The following ATP11C variants were observed in gnomAD, a reference collection of about 807,000 sequenced individuals.
ATP11C encodes phospholipid-transporting ATPase IG.
In ATP11C, 36 loss-of-function variants were observed where a neutral mutation model predicts 97.4. The observed-to-expected ratio is 0.37, with a 90% CI of 0.28 to 0.49. ATP11C has a LOEUF of 0.49. ATP11C is among the 20% of genes least tolerant of loss of function. The probability of loss-of-function intolerance (pLI) is 0.98; values close to 1 mark genes in which losing one functional copy is unlikely to be tolerated. For missense variants in ATP11C, 730 were observed against 824.6 expected (o/e 0.89, Z 1.40); for synonymous variants, 275 against 290.9 (o/e 0.95, Z 0.56).
intron 28 of ATP11C, chrX:139,737,689 T>C: frequency 4.5e-6 from 2 of 446,585 alleles, no homozygotes; most frequent in Non-Finnish European, 8.2e-6. Flanking sequence ...TCCATATGGA[T>C]TGCCGAAGGT....
rs1226106466 is a variant in ATP11C at position 139,758,617 on chromosome X, AG to A, written c.2641-751del. Among the ~76,000 whole-genome samples the A allele has an allele frequency of 7.1e-5, 8 of 112,256 alleles. 1 individual carries two copies. In the South Asian group the frequency reaches 1.5e-3, roughly 21 times the overall value. On this transcript the variant is annotated intron_variant, in intron 22 of 29. Coordinates refer to ENST00000682941, the MANE Select transcript of ATP11C (RefSeq NM_001353812.2). ...AGCTGGGAATTCATAAGGTAGTAAA[AG>A]CTACTAAGTGTGATTATAAAATACT... is the stretch of plus-strand genomic sequence containing the variant.
intron 18 of ATP11C, among the ~76,000 whole-genome samples, chrX:139,780,763 G>A (rs755171753): frequency 8.9e-6 from 1 of 111,986 alleles, no homozygotes; most frequent in Admixed American, 9.5e-5. Flanking sequence ...GTAAAATCGT[G>A]TCCTTTGCAG....
rs192663950 is a variant in ATP11C, at chrX:139,799,872, A to T, written c.710+188T>A. ...TCACCCCGTTGGCCAGGCTGGCTTC[A>T]AACTCCTGACCTCAGGTGATCCACC... On this transcript the variant is annotated intron_variant, in intron 8 of 29. Coordinates refer to ENST00000682941, the MANE Select transcript of ATP11C (RefSeq NM_001353812.2). Among the ~76,000 whole-genome samples, 24 of 109,397 alleles carry T rather than the reference A, an allele frequency of 2.2e-4. No individual in the cohort carries two copies. The East Asian group carries it at 6.4e-3, about 29-fold the overall frequency. 95.0% of individuals were successfully genotyped at this position (109,397 alleles called of 115,157 possible).
chrX:139,906,548 C>A (rs1439727264), intron 1 of ATP11C, among the ~76,000 whole-genome samples: 1 of 110,552 alleles, frequency 9.0e-6, no homozygotes, highest in Non-Finnish European at 1.9e-5. Flanking sequence ...CTTTGGGAAG[C>A]CAAGGCGGGT....
intron 1 of ATP11C, among the ~76,000 whole-genome samples, chrX:139,882,072 G>A (rs1037001933): frequency 2.7e-5 from 3 of 111,452 alleles, no homozygotes; most frequent in Non-Finnish European, 3.8e-5. Flanking sequence ...CTTCTCCCCA[G>A]ATCTGCCTGT....
In ATP11C at chrX:139,798,279, A is replaced by G. The variant is rs2082844010; in HGVS notation, c.851T>C (p.Val284Ala). 1 of 1,203,589 alleles carries G rather than the reference A, an allele frequency of 8.3e-7. No individual in the cohort carries two copies. Among genetic ancestry groups the G allele is most frequent in the African/African-American group, 1.8e-5 (1 of 57,058 alleles). ...AATTGTGGCGCATACTAACTTTTCAACAGCAGAACGTTTCTGAGATTTCCC... is the reference window on the plus strand; with the variant it reads ...AATTGTGGCGCATACTAACTTTTCAGCAGCAGAACGTTTCTGAGATTTCCC... Reference protein sequence around the residue: ...YQGKSQKRSAVEKSINAFLIV... With the variant: ...YQGKSQKRSAAEKSINAFLIV... The change falls in exon 10 of 30, where the codon GTT becomes GCT. Residue 284 changes from valine (V) to alanine (A), a missense_variant. Physicochemically the swap from Val to Ala is moderately conservative, Grantham distance 64. Coordinates refer to ENST00000682941, the MANE Select transcript of ATP11C (RefSeq NM_001353812.2).
intron 25 of ATP11C, among the ~76,000 whole-genome samples, chrX:139,744,148 A>T (rs1380592937): frequency 8.9e-6 from 1 of 111,819 alleles, no homozygotes; most frequent in Non-Finnish European, 1.9e-5. Context: ...TATAAATCCA[A>T]ATGATGGCAA....
chrX:139,819,138 A>G, intron 3 of ATP11C, among the ~76,000 whole-genome samples, 200 bp downstream of exon 3: 1 of 112,451 alleles, frequency 8.9e-6, no homozygotes, highest in Non-Finnish European at 1.9e-5. Flanking sequence ...AAATCTCAAC[A>G]GGTTTTCTAG....
intron 1 of ATP11C, among the ~76,000 whole-genome samples, chrX:139,916,753 T>C (rs929862458): frequency 9.0e-6 from 1 of 111,015 alleles, no homozygotes; most frequent in Non-Finnish European, 1.9e-5. Context: ...AAAAAAAATA[T>C]ATATCCACCA....
At chrX:139,842,234 G>A (rs1182967141) in intron 1 of ATP11C, among the ~76,000 whole-genome samples, 1 of 111,954 alleles carries the variant, frequency 8.9e-6, no homozygotes, top group Non-Finnish European at 1.9e-5. Flanking sequence ...GGGTTTCACC[G>A]TGTTAGCCAG....
chrX:139,844,590 T>G (rs1350368448), intron 1 of ATP11C, among the ~76,000 whole-genome samples: 2 of 112,059 alleles, frequency 1.8e-5, no homozygotes, highest in Non-Finnish European at 3.8e-5. Flanking sequence ...GATTTAGAAT[T>G]GCAAATGGTT....
At position 139,763,425 on chromosome X, in the gene ATP11C, A is replaced by T. The variant is rs764940369; in HGVS notation, c.2392-7T>A. 3.4e-5 allele frequency: 40 copies of T among 1,176,431 alleles called. No individual in the cohort carries two copies. In the Admixed American group the frequency reaches 8.5e-4, roughly 25 times the overall value. The stretch of plus-strand genomic sequence containing the variant: ...TCTTCACCATTCTGACAATCTAAAT[A>T]TTAAATACAAAAGAGGTGTAAAAAA... On this transcript the variant is annotated splice_region_variant and splice_polypyrimidine_tract_variant and intron_variant, in intron 20 of 29. Transcript: ENST00000682941.
intron 1 of ATP11C, among the ~76,000 whole-genome samples, chrX:139,927,647 A>C (rs893309270): frequency 4.6e-5 from 5 of 109,535 alleles, no homozygotes; most frequent in African/African-American, 1.3e-4. Flanking sequence ...AAAGAAGGGG[A>C]TATTTTGTGG....
intron 2 of ATP11C, among the ~76,000 whole-genome samples, chrX:139,821,162 G>A (rs897630021): frequency 3.6e-5 from 4 of 112,037 alleles, no homozygotes; most frequent in African/African-American, 1.3e-4. Context: ...ACATTCAGTA[G>A]AACAGCTGCA....
upstream of ATP11C, among the ~76,000 whole-genome samples, chrX:139,936,790 C>T (rs1224479403): frequency 9.0e-6 from 1 of 111,135 alleles, no homozygotes; most frequent in African/African-American, 3.3e-5. Context: ...GGATGTAGGC[C>T]ACACCTGTGA....
In ATP11C at chrX:139,926,998, A is replaced by G. The variant is rs188563508; in HGVS notation, c.27+5018T>C. Among the ~76,000 whole-genome samples, 55 of 112,432 alleles carry G rather than the reference A, an allele frequency of 4.9e-4. No homozygotes were observed. The East Asian group carries it at 5.0e-3, about 10-fold the overall frequency. ...CTCCTTTTTAACTGACATCCAAACA[A>G]CCAGAAAATAACTGATATTGTACAA... On this transcript the variant is annotated intron_variant, in intron 1 of 29. Transcript: ENST00000682941.
intron 2 of ATP11C, 31 bp from the exon 3 acceptor site, chrX:139,819,458 T>C: frequency 1.3e-6 from 1 of 782,245 alleles, no homozygotes. Flanking sequence ...AGAACACTGT[T>C]ATGAAGAAAA....
chrX:139,846,946 T>A (rs2083918143), intron 1 of ATP11C, among the ~76,000 whole-genome samples: 1 of 108,546 alleles, frequency 9.2e-6, no homozygotes, highest in Non-Finnish European at 1.9e-5. Context: ...AAAAAAAAAA[T>A]TGTGGGACTC....
intron 1 of ATP11C, among the ~76,000 whole-genome samples, chrX:139,891,900 A>T (rs1307125333): frequency 1.8e-5 from 2 of 111,253 alleles, no homozygotes; most frequent in Non-Finnish European, 3.8e-5. Flanking sequence ...TCTGTTGCCC[A>T]GGCTGGAGTG....
Sources: gnomAD v4.1 joint callset for allele counts (sites outside exome capture counted in the v4.1 genomes callset) on GRCh38, gnomAD v4.1.1 for gene constraint, MANE v1.5 for transcripts, NCBI Gene and HGNC (gene_info 2026-07-23, HGNC 2026-07-21) for gene names.